CHMP4C: variants seen among roughly 807,000 people sequenced by gnomAD.
The protein encoded by CHMP4C is charged multivesicular body protein 4C, also known as SNF7 homolog associated with Alix 3.
CHMP4C carries 28 observed loss-of-function variants against 29.0 expected under a neutral mutation model. The observed-to-expected ratio is 0.97, with a 90% CI of 0.72 to 1.32. The LOEUF is 1.32. Ranked by LOEUF, CHMP4C falls within the 40% of genes most tolerant of loss-of-function variation. The pLI is 0.00. For synonymous variants in CHMP4C, 106 were observed against 102.4 expected, an observed-to-expected ratio of 1.04 and a Z score of -0.21; for missense variants, 291 against 281.0, an observed-to-expected ratio of 1.04 and a Z score of -0.25.
chr8:81,748,517 C>T lies in CHMP4C; in HGVS notation c.191-4547C>T, dbSNP rs553376293. Among the ~76,000 whole-genome samples the T allele has an allele frequency of 2.0e-5, 3 of 152,312 alleles. No individual in the cohort carries two copies. The South Asian group carries it at 6.2e-4, about 32-fold the overall frequency. On this transcript the variant is annotated intron_variant, in intron 1 of 4. Coordinates refer to ENST00000297265, the MANE Select transcript of CHMP4C (RefSeq NM_152284.4). ...GGGAACTAATAAATGTCCATAAAAT[C>T]TTCACAATCCATGTTCTTCTGTCAT...
chr8:81,756,245 C>G (rs1808970477), intron 3 of CHMP4C, among the ~76,000 whole-genome samples: 1 of 152,092 alleles, frequency 6.6e-6, no homozygotes. Flanking sequence ...GGCTTGCAGG[C>G]CAAATTCTTC....
rs115494049 is a variant in CHMP4C at position 81,736,822 on chromosome 8, G to C, written c.190+4006G>C. Among the ~76,000 whole-genome samples, 1,244 of 152,264 alleles carry C rather than the reference G, an allele frequency of 8.2e-3. 14 individuals are homozygous for C. Among genetic ancestry groups the C allele is most frequent in the African/African-American group, 0.028 (1,171 of 41,542 alleles). ...TTTTTGTGCTTGCTAGTGTATGTTTGTTTAATAATGTATATGCAGAATTTA... is the reference window on the plus strand; with the variant it reads ...TTTTTGTGCTTGCTAGTGTATGTTTCTTTAATAATGTATATGCAGAATTTA... On this transcript the variant is annotated intron_variant, in intron 1 of 4. Coordinates refer to ENST00000297265, the MANE Select transcript of CHMP4C (RefSeq NM_152284.4).
chr8:81,732,854 G>A (rs770227168), intron 1 of CHMP4C, 38 bp downstream of exon 1: 6 of 1,576,100 alleles, frequency 3.8e-6, no homozygotes, highest in Non-Finnish European at 5.2e-6. Context: ...GAGCCCATCT[G>A]CCTCTAGCCT....
intron 1 of CHMP4C, among the ~76,000 whole-genome samples, chr8:81,747,735 G>A (rs1808845171): frequency 6.6e-6 from 1 of 152,092 alleles, no homozygotes; most frequent in South Asian, 2.1e-4. Context: ...ACGTTGGTAG[G>A]ATAGGTGTGG....
At position 81,752,886 on chromosome 8, in the gene CHMP4C, A is replaced by C. The variant is rs1296332824; in HGVS notation, c.191-178A>C. On this transcript the variant is annotated intron_variant, in intron 1 of 4. Transcript: ENST00000297265. ...AGAATAATAAAATGTTGGAGACGGT[A>C]CTAGTTGGTATAGGTAATTGAGAGG... 2.0e-5 allele frequency among the ~76,000 whole-genome samples: 3 copies of C among 152,296 alleles called. No homozygotes were observed. In the East Asian group the frequency reaches 5.8e-4, roughly 29 times the overall value.
intron 3 of CHMP4C, among the ~76,000 whole-genome samples, chr8:81,756,875 T>C (rs780111296): frequency 2.7e-4 from 41 of 152,142 alleles, no homozygotes; most frequent in Non-Finnish European, 5.0e-4. Context: ...ATTCATTCTG[T>C]TCCATTTTAG....
At chr8:81,735,172 G>A (rs956703777) in intron 1 of CHMP4C, among the ~76,000 whole-genome samples, 2 of 152,166 alleles carry the variant, frequency 1.3e-5, no homozygotes, top group Non-Finnish European at 2.9e-5. Context: ...GGGATTACAG[G>A]TGTGAGCCAC....
chr8:81,753,414 A>C (rs777660467), intron 2 of CHMP4C, among the ~76,000 whole-genome samples, 173 bp downstream of exon 2: 2 of 152,172 alleles, frequency 1.3e-5, no homozygotes, highest in Non-Finnish European at 2.9e-5. Flanking sequence ...AACAACAAAA[A>C]AGACCATGAA....
intron 1 of CHMP4C, among the ~76,000 whole-genome samples, chr8:81,733,827 C>T (rs1315962324): frequency 1.3e-5 from 2 of 152,178 alleles, no homozygotes; most frequent in Admixed American, 6.5e-5. Context: ...TACCACCAAA[C>T]CCAAACATTT....
In CHMP4C at chr8:81,759,009, A is replaced by T. The variant is rs1440105587; in HGVS notation, c.*465A>T. ...GAGGGAGACTCCGTCTCAAAAACTAAAAAAAAAAAATACATTTAGTATAGC... is the reference window on the plus strand; with the variant it reads ...GAGGGAGACTCCGTCTCAAAAACTATAAAAAAAAAATACATTTAGTATAGC... On this transcript the variant is annotated 3_prime_UTR_variant, in exon 5 of 5. Transcript: ENST00000297265. 1 of 148,854 alleles carries T rather than the reference A, an allele frequency of 6.7e-6. No homozygotes were observed. The highest frequency in any genetic ancestry group is 1.5e-5 in the Non-Finnish European group (1 of 67,358). The allele number at this position is 148,854 out of a possible 1,614,324, so 9.2% of individuals were successfully genotyped here.
chr8:81,745,999 C>G (rs1288510586), intron 1 of CHMP4C, among the ~76,000 whole-genome samples: 1 of 152,176 alleles, frequency 6.6e-6, no homozygotes. Flanking sequence ...ACAGCTGCTT[C>G]TTTCCCAAGT....
Position 81,755,493 on chromosome 8 carries a change from C to T in CHMP4C, c.483+9C>T. Reference sequence around the variant, plus strand: ...GTGATGACTTTGATGAGGTACGTAACCCAATATGAAGAATGCAGGATTGTG... The same window carrying T: ...GTGATGACTTTGATGAGGTACGTAATCCAATATGAAGAATGCAGGATTGTG... On this transcript the variant is annotated intron_variant, in intron 3 of 4. Transcript: ENST00000297265. 1 of 1,532,236 alleles carries T rather than the reference C, an allele frequency of 6.5e-7. No individual in the cohort carries two copies. The highest frequency in any genetic ancestry group is 2.3e-5 in the East Asian group (1 of 44,416). 94.9% of individuals were successfully genotyped at this position (1,532,236 alleles called of 1,614,324 possible).
intron 1 of CHMP4C, among the ~76,000 whole-genome samples, chr8:81,741,054 T>A (rs1808756854): frequency 6.6e-6 from 1 of 152,164 alleles, no homozygotes; most frequent in African/African-American, 2.4e-5. Flanking sequence ...ACTGGAGTAT[T>A]TTTGTTCTAG....
At chr8:81,737,550 A>T (rs992150592) in intron 1 of CHMP4C, among the ~76,000 whole-genome samples, 1 of 152,044 alleles carries the variant, frequency 6.6e-6, no homozygotes, top group Non-Finnish European at 1.5e-5. Flanking sequence ...ATCCCAATCC[A>T]TTTTTTTGCA....
intron 1 of CHMP4C, among the ~76,000 whole-genome samples, chr8:81,742,500 G>A (rs1808773574): frequency 6.6e-6 from 1 of 152,146 alleles, no homozygotes; most frequent in Admixed American, 6.5e-5. Context: ...GTAAAATTAT[G>A]CAACTAAACA....
rs185627765 is a variant in CHMP4C at position 81,750,108 on chromosome 8, G to T, written c.191-2956G>T. Among the ~76,000 whole-genome samples the T allele has an allele frequency of 1.6e-4, 25 of 152,278 alleles. No individual in the cohort carries two copies. The East Asian group carries it at 4.1e-3, about 25-fold the overall frequency. On this transcript the variant is annotated intron_variant, in intron 1 of 4. Transcript: ENST00000297265. ...AAATTCAAGCTTGCTGCAGAGATTTGCAGGGAGATTAAAGAGGCTATTACA... is the reference window on the plus strand; with the variant it reads ...AAATTCAAGCTTGCTGCAGAGATTTTCAGGGAGATTAAAGAGGCTATTACA...
At position 81,732,547 on chromosome 8, in the gene CHMP4C, T is replaced by G. The variant is rs1263321096; in HGVS notation, c.-80T>G. 5 of 1,089,798 alleles carry G rather than the reference T, an allele frequency of 4.6e-6. No individual in the cohort carries two copies. The highest frequency in any genetic ancestry group is 3.1e-4 in the Middle Eastern group (1 of 3,278). The allele number at this position is 1,089,798 out of a possible 1,614,324, so 67.5% of individuals were successfully genotyped here. ...GTCTGGGTCCCCGAGAGGACTGCCT[T>G]GCTCACCTGTCCCCTCGGCGCGGCC... On this transcript the variant is annotated 5_prime_UTR_variant, in exon 1 of 5. Transcript: ENST00000297265.
intron 1 of CHMP4C, among the ~76,000 whole-genome samples, chr8:81,742,554 A>G (rs1475553750): frequency 1.3e-5 from 2 of 152,192 alleles, no homozygotes; most frequent in African/African-American, 4.8e-5. Context: ...TTAAATATGA[A>G]GTCTTAGTGA....
At chr8:81,755,608 CTCT>C in intron 3 of CHMP4C, 124 bp downstream of exon 3, 1 of 528,212 alleles carries the variant, frequency 1.9e-6, no homozygotes, top group Non-Finnish European at 3.4e-6. Flanking sequence ...AAAGGTACTT[CTCT>C]TAAGAGAAAA....
Sources: allele counts gnomAD v4.1 joint callset (sites outside exome capture counted in the v4.1 genomes callset), GRCh38; gene constraint gnomAD v4.1.1; transcripts MANE v1.5; gene names NCBI Gene and HGNC (gene_info 2026-07-23, HGNC 2026-07-21).